FAM13A: variants seen among roughly 807,000 people sequenced by gnomAD.
FAM13A encodes family with sequence similarity 13 member A.
FAM13A carries 76 observed loss-of-function variants against 129.6 expected under a neutral mutation model. That is an observed-to-expected ratio of 0.59 (90% CI 0.49 to 0.71). The LOEUF (loss-of-function observed/expected upper bound fraction) is 0.71. Ranked by LOEUF, FAM13A falls within the 30% of genes least tolerant of loss-of-function variation. The pLI is 0.00. For synonymous variants in FAM13A, 443 were observed against 449.9 expected (o/e 0.98, Z 0.20); for missense variants, 1,108 against 1,249.3 (o/e 0.89, Z 1.70).
At position 88,747,814 on chromosome 4, in the gene FAM13A, G is replaced by A; in HGVS notation, c.2199C>T (p.Pro733=). 6.2e-7 allele frequency: 1 copy of A among 1,613,988 alleles called. No individual in the cohort carries two copies. Among genetic ancestry groups the A allele is most frequent in the Non-Finnish European group, 8.5e-7 (1 of 1,179,864 alleles). ...KLKISEEDLT[P]RMRQRSNTLP... is the part of the protein sequence containing the mutation. Reference sequence around the variant, plus strand: ...GTGTGTTGCTTCGCTGCCGCATCCTGGGAGTTAGGTCCTCTTCAGATATCT... The same window carrying A: ...GTGTGTTGCTTCGCTGCCGCATCCTAGGAGTTAGGTCCTCTTCAGATATCT... The change falls in exon 18 of 24, where the codon CCC becomes CCT. Residue 733 remains proline, a synonymous_variant. Transcript: ENST00000264344.
intron 11 of FAM13A, 85 bp from the exon 12 acceptor site, chr4:88,768,144 C>G: frequency 1.4e-6 from 1 of 711,524 alleles, no homozygotes; most frequent in Non-Finnish European, 2.5e-6. Flanking sequence ...ATAGAAAAAT[C>G]AAATAATATG....
At chr4:89,048,171 A>T (rs1234554217) in intron 1 of FAM13A, among the ~76,000 whole-genome samples, 1 of 152,218 alleles carries the variant, frequency 6.6e-6, no homozygotes, top group Non-Finnish European at 1.5e-5. Context: ...ATCCACAGAA[A>T]GACTTGATTT....
At chr4:88,778,379 ACC>A (rs1722176145) in intron 11 of FAM13A, among the ~76,000 whole-genome samples, 1 of 152,066 alleles carries the variant, frequency 6.6e-6, no homozygotes, top group African/African-American at 2.4e-5. Context: ...TTGCTTTCAT[ACC>A]CCACATTGAA....
At chr4:88,883,755 A>T (rs561402631) in intron 6 of FAM13A, among the ~76,000 whole-genome samples, 1 of 152,318 alleles carries the variant, frequency 6.6e-6, no homozygotes, top group East Asian at 1.9e-4. Flanking sequence ...TAAAATTGAT[A>T]GACCATTAGT....
intron 4 of FAM13A, among the ~76,000 whole-genome samples, chr4:88,943,697 G>A (rs984780432): frequency 6.6e-6 from 1 of 152,160 alleles, no homozygotes; most frequent in Non-Finnish European, 1.5e-5. Context: ...AGATAACACT[G>A]GACTGCGTGA....
At chr4:88,800,750 A>G (rs1727293459) in intron 8 of FAM13A, among the ~76,000 whole-genome samples, 1 of 151,838 alleles carries the variant, frequency 6.6e-6, no homozygotes, top group South Asian at 2.1e-4. Context: ...AATAAAAAGG[A>G]AAACAAATAT....
At chr4:88,804,676 C>G (rs1253157022) in intron 8 of FAM13A, among the ~76,000 whole-genome samples, 1 of 149,984 alleles carries the variant, frequency 6.7e-6, no homozygotes, top group Non-Finnish European at 1.5e-5. Flanking sequence ...CATTTGCCCC[C>G]ACTAACCTAT....
intron 1 of FAM13A, among the ~76,000 whole-genome samples, chr4:89,032,664 A>T (rs955931955): frequency 6.6e-6 from 1 of 152,234 alleles, no homozygotes; most frequent in African/African-American, 2.4e-5. Context: ...ATAGTTAACA[A>T]AATACACTGA....
At chr4:88,939,995 A>G (rs1452271395) in intron 4 of FAM13A, among the ~76,000 whole-genome samples, 1 of 152,226 alleles carries the variant, frequency 6.6e-6, no homozygotes, top group East Asian at 1.9e-4. Flanking sequence ...TAAGATCAAG[A>G]GCAGATGATT....
intron 7 of FAM13A, among the ~76,000 whole-genome samples, chr4:88,850,596 G>A (rs192014948): frequency 2.6e-3 from 398 of 152,156 alleles, no homozygotes; most frequent in African/African-American, 9.2e-3. Flanking sequence ...GAGTATACCA[G>A]AGAAGTCTGC....
intron 8 of FAM13A, 35 bp from the exon 9 acceptor site, chr4:88,790,662 A>T (rs1361742520): frequency 1.3e-6 from 2 of 1,594,298 alleles, no homozygotes; most frequent in African/African-American, 2.7e-5. Context: ...GTCAGGTTAG[A>T]TGAAAGATCA....
At chr4:88,799,571 A>G (rs928714909) in intron 8 of FAM13A, among the ~76,000 whole-genome samples, 2 of 150,342 alleles carry the variant, frequency 1.3e-5, no homozygotes, top group East Asian at 2.0e-4. Context: ...TGCAACCTCC[A>G]CCTTCCGGGT....
chr4:88,757,351 A>G (rs1307549745), intron 14 of FAM13A, among the ~76,000 whole-genome samples: 1 of 152,214 alleles, frequency 6.6e-6, no homozygotes, highest in African/African-American at 2.4e-5. Flanking sequence ...AGGGTAGACC[A>G]TATCACTAAG....
intron 6 of FAM13A, among the ~76,000 whole-genome samples, chr4:88,867,781 T>C (rs896658886): frequency 6.6e-6 from 1 of 152,156 alleles, no homozygotes; most frequent in Non-Finnish European, 1.5e-5. Context: ...TATGTGCACA[T>C]GTGATAGAAA....
At chr4:88,890,702 A>G (rs1415541209) in intron 6 of FAM13A, among the ~76,000 whole-genome samples, 2 of 152,214 alleles carry the variant, frequency 1.3e-5, no homozygotes, top group African/African-American at 2.4e-5. Flanking sequence ...TAGAGAATCA[A>G]CAAAAATAAA....
chr4:88,863,861 T>A (rs552483541), intron 6 of FAM13A, among the ~76,000 whole-genome samples: 4 of 152,200 alleles, frequency 2.6e-5, no homozygotes, highest in African/African-American at 9.7e-5. Flanking sequence ...AAGGCCTGGA[T>A]AGAGTCATCA....
intron 6 of FAM13A, among the ~76,000 whole-genome samples, chr4:88,899,899 G>T (rs915707826): frequency 3.3e-5 from 5 of 152,006 alleles, no homozygotes; most frequent in Admixed American, 6.6e-5. Context: ...AAACAATATA[G>T]GAGCTGATAG....
chr4:88,881,839 G>A (rs1434133001), intron 6 of FAM13A, among the ~76,000 whole-genome samples: 1 of 152,000 alleles, frequency 6.6e-6, no homozygotes, highest in Non-Finnish European at 1.5e-5. Flanking sequence ...AAATATACTG[G>A]AACGTGTCAG....
chr4:88,950,901 A>G (rs1756840146), intron 4 of FAM13A, among the ~76,000 whole-genome samples: 1 of 152,230 alleles, frequency 6.6e-6, no homozygotes, highest in East Asian at 1.9e-4. Context: ...ATTAAACCAC[A>G]AGACCCATAG....
Sources: allele counts gnomAD v4.1 joint callset (sites outside exome capture counted in the v4.1 genomes callset), GRCh38; gene constraint gnomAD v4.1.1; transcripts MANE v1.5; gene names NCBI Gene and HGNC (gene_info 2026-07-23, HGNC 2026-07-21).